STARD13: variants seen among roughly 807,000 people sequenced by gnomAD.
The protein encoded by STARD13 is stAR-related lipid transfer protein 13.
Under a neutral mutation model 106.4 loss-of-function variants are expected in STARD13, and 62 were observed. The observed-to-expected ratio is 0.58, with a 90% CI of 0.48 to 0.72. The LOEUF (loss-of-function observed/expected upper bound fraction) is 0.72. Among genes scored for constraint, STARD13 ranks in the 30% least tolerant of loss-of-function variants. The pLI is 0.00. For missense variants in STARD13, 1,387 were observed against 1,424.0 expected (o/e 0.97, Z 0.42); for synonymous variants, 565 against 553.0 (o/e 1.02, Z -0.31).
At chr13:33,578,656 C>G in the STARD13 span, among the ~76,000 whole-genome samples, 1 of 151,898 alleles carries the variant, frequency 6.6e-6, no homozygotes, top group African/African-American at 2.4e-5. Flanking sequence ...GAAATAGGAC[C>G]TAATTAAACT....
At chr13:33,359,291 C>T in the STARD13 span, among the ~76,000 whole-genome samples, 3 of 152,028 alleles carry the variant, frequency 2.0e-5, no homozygotes, top group East Asian at 1.9e-4. Flanking sequence ...CCGGGAGAAA[C>T]GAACAACTCC....
chr13:33,362,724 A>T, the STARD13 span, among the ~76,000 whole-genome samples: 4 of 152,214 alleles, frequency 2.6e-5, no homozygotes, highest in Non-Finnish European at 5.9e-5. Flanking sequence ...TTTCCTGACC[A>T]TTTTATGATC....
intron 1 of STARD13, among the ~76,000 whole-genome samples, chr13:33,239,599 A>G (rs969066455): frequency 1.3e-5 from 2 of 151,992 alleles, no homozygotes; most frequent in African/African-American, 4.8e-5. Flanking sequence ...ATATGAGGTG[A>G]TATCTCATTG....
intron 1 of STARD13, among the ~76,000 whole-genome samples, chr13:33,283,272 T>A (rs1377431065): frequency 6.6e-6 from 1 of 152,160 alleles, no homozygotes; most frequent in Non-Finnish European, 1.5e-5. Flanking sequence ...AATCATAGGT[T>A]CAGTACTTTA....
At chr13:33,349,053 A>C in exon 2 of STARD13, 3 of 695,568 alleles carry the variant, frequency 4.3e-6, no homozygotes, top group Non-Finnish European at 7.9e-6. Flanking sequence ...CTAGCAAACC[A>C]CTTGCTTTAC....
At chr13:33,343,455 T>A (rs2077982624) in intron 1 of STARD13, among the ~76,000 whole-genome samples, 1 of 149,806 alleles carries the variant, frequency 6.7e-6, no homozygotes. Flanking sequence ...GACGCAAGCC[T>A]GTAGTCCCAG....
At chr13:33,191,386 T>C (rs184108407) in intron 1 of STARD13, among the ~76,000 whole-genome samples, 71 of 152,320 alleles carry the variant, frequency 4.7e-4, no homozygotes, top group African/African-American at 1.7e-3. Context: ...ACCAGTAAAA[T>C]GAGGGCTCTT....
In STARD13 at chr13:33,104,482, A is replaced by G. The variant is rs1593836402; in HGVS notation, c.*1111T>C. ...GAATTACATTTTAAGAGTATCCTACACATAACAAAATATGAATTCCCTGAA... is the reference window on the plus strand; with the variant it reads ...GAATTACATTTTAAGAGTATCCTACGCATAACAAAATATGAATTCCCTGAA... On this transcript the variant is annotated 3_prime_UTR_variant, in exon 14 of 14. Transcript: ENST00000336934. 1 of 152,770 alleles carries G rather than the reference A, an allele frequency of 6.5e-6. No homozygotes were observed. Among genetic ancestry groups the G allele is most frequent in the East Asian group, 1.9e-4 (1 of 5,188 alleles). 9.5% of individuals were successfully genotyped at this position (152,770 alleles called of 1,614,324 possible).
At chr13:33,413,288 T>C in the STARD13 span, among the ~76,000 whole-genome samples, 112 of 152,146 alleles carry the variant, frequency 7.4e-4, no homozygotes, top group Non-Finnish European at 1.1e-3. Flanking sequence ...CTTGTAACAC[T>C]AAATGCATAC....
the STARD13 span, among the ~76,000 whole-genome samples, chr13:33,450,220 T>C: frequency 1.3e-5 from 2 of 152,320 alleles, no homozygotes; most frequent in Admixed American, 1.3e-4. Flanking sequence ...GGCCGTGAGT[T>C]TGTTATGTAT....
chr13:33,445,388 A>G, the STARD13 span, among the ~76,000 whole-genome samples: 1 of 152,164 alleles, frequency 6.6e-6, no homozygotes, highest in Non-Finnish European at 1.5e-5. Context: ...ATTACTGGAT[A>G]ATGTCTAAGT....
intron 1 of STARD13, among the ~76,000 whole-genome samples, chr13:33,269,914 T>C (rs1191070897): frequency 1.3e-5 from 2 of 152,188 alleles, no homozygotes; most frequent in Non-Finnish European, 2.9e-5. Flanking sequence ...ATTATTCAAG[T>C]AGGTGTTGCC....
At chr13:33,402,681 G>GCAGAT in the STARD13 span, among the ~76,000 whole-genome samples, 1 of 152,248 alleles carries the variant, frequency 6.6e-6, no homozygotes, top group Admixed American at 6.5e-5. Flanking sequence ...GAGCAGAGGA[G>GCAGAT]CAGATAAGGA....
intron 1 of STARD13, among the ~76,000 whole-genome samples, chr13:33,227,979 T>C (rs759166992): frequency 3.3e-5 from 5 of 152,156 alleles, no homozygotes; most frequent in African/African-American, 7.2e-5. Context: ...GAATGTGCGA[T>C]CGTAAAACGA....
chr13:33,181,925 C>G (rs1885278151), intron 1 of STARD13, among the ~76,000 whole-genome samples: 1 of 152,108 alleles, frequency 6.6e-6, no homozygotes, highest in African/African-American at 2.4e-5. Flanking sequence ...CCCTGTTTTC[C>G]CACAAAAGAA....
At chr13:33,447,181 T>C in the STARD13 span, among the ~76,000 whole-genome samples, 3 of 152,238 alleles carry the variant, frequency 2.0e-5, no homozygotes, top group East Asian at 1.9e-4. Context: ...GGAAAAATAT[T>C]TGAAGCAAGT....
chr13:33,615,421 A>G, the STARD13 span, among the ~76,000 whole-genome samples: 2 of 152,226 alleles, frequency 1.3e-5, no homozygotes, highest in Non-Finnish European at 2.9e-5. Context: ...AAGATCCACA[A>G]GCATTATCTT....
intron 1 of STARD13, among the ~76,000 whole-genome samples, chr13:33,340,067 C>T (rs2077942994): frequency 6.6e-6 from 1 of 152,182 alleles, no homozygotes; most frequent in African/African-American, 2.4e-5. Flanking sequence ...ACTATCTTGC[C>T]ATCTTTGTAG....
At chr13:33,333,816 A>C (rs1422469840) in intron 1 of STARD13, 1 of 152,238 alleles carries the variant, frequency 6.6e-6, no homozygotes, top group Admixed American at 6.5e-5. Flanking sequence ...TCTAGAGACT[A>C]ATTTCAGAAA....
Sources: allele counts gnomAD v4.1 joint callset (sites outside exome capture counted in the v4.1 genomes callset), GRCh38; gene constraint gnomAD v4.1.1; transcripts MANE v1.5; gene names NCBI Gene and HGNC (gene_info 2026-07-23, HGNC 2026-07-21).